The following MAP4K3 variants were observed in gnomAD, a reference collection of about 807,000 sequenced individuals.
The protein encoded by MAP4K3 is mitogen-activated protein kinase kinase kinase kinase 3.
A neutral mutation model predicts 143.5 loss-of-function variants in MAP4K3; 94 were observed. That is an observed-to-expected ratio of 0.65 (90% CI 0.55 to 0.78). The LOEUF is 0.78. Ranked by LOEUF, MAP4K3 falls within the 30% of genes least tolerant of loss-of-function variation. The pLI, the probability that MAP4K3 is intolerant of heterozygous loss-of-function variation, is 0.00. For missense variants in MAP4K3, 1,077 were observed against 1,068.1 expected (o/e 1.01, Z -0.12); for synonymous variants, 416 against 347.2 (o/e 1.20, Z -2.20).
At chr2:39,415,200 G>A (rs1458555856) in intron 1 of MAP4K3, among the ~76,000 whole-genome samples, 1 of 152,096 alleles carries the variant, frequency 6.6e-6, no homozygotes, top group Non-Finnish European at 1.5e-5. Flanking sequence ...AAATGAATGG[G>A]CTTCATTTTA....
chr2:39,425,705 T>G (rs1376797976), intron 1 of MAP4K3, among the ~76,000 whole-genome samples: 1 of 152,216 alleles, frequency 6.6e-6, no homozygotes, highest in Non-Finnish European at 1.5e-5. Flanking sequence ...CTGTGGTATG[T>G]TGTTACGGCA....
At chr2:39,414,736 G>A (rs543477890) in intron 1 of MAP4K3, among the ~76,000 whole-genome samples, 20 of 152,232 alleles carry the variant, frequency 1.3e-4, no homozygotes, top group Non-Finnish European at 2.2e-4. Flanking sequence ...TTAGCTGGGC[G>A]TGGTGGCACA....
intron 12 of MAP4K3, among the ~76,000 whole-genome samples, chr2:39,324,503 T>C (rs1014174353): frequency 2.6e-5 from 4 of 152,298 alleles, no homozygotes; most frequent in Non-Finnish European, 2.9e-5. Context: ...TCCAAACTCT[T>C]TTCCAGACCC....
intron 12 of MAP4K3, among the ~76,000 whole-genome samples, chr2:39,320,276 A>G (rs1683258464): frequency 6.6e-6 from 1 of 152,230 alleles, no homozygotes; most frequent in African/African-American, 2.4e-5. Flanking sequence ...AATTTAAAAA[A>G]TCTGCGTCAA....
chr2:39,370,579 A>C (rs1377218523), intron 2 of MAP4K3, among the ~76,000 whole-genome samples: 1 of 152,220 alleles, frequency 6.6e-6, no homozygotes, highest in Non-Finnish European at 1.5e-5. Context: ...TAGTGGAATA[A>C]GGTCTTATTG....
intron 28 of MAP4K3, among the ~76,000 whole-genome samples, chr2:39,262,354 T>C (rs1680605265): frequency 6.6e-6 from 1 of 152,186 alleles, no homozygotes; most frequent in African/African-American, 2.4e-5. Context: ...GCACAGACAC[T>C]TCATCAATAT....
chr2:39,420,253 T>C (rs1667509077), intron 1 of MAP4K3, among the ~76,000 whole-genome samples: 1 of 152,256 alleles, frequency 6.6e-6, no homozygotes, highest in African/African-American at 2.4e-5. Context: ...TTATTTCAAC[T>C]GGGAAATATT....
In MAP4K3 at chr2:39,412,253, G is replaced by C. The variant is rs572770522; in HGVS notation, c.96+24639C>G. On this transcript the variant is annotated intron_variant, in intron 1 of 33. Transcript: ENST00000263881. ...AGACCACCAAATTGGATCTACAGGAGATCGCGCCACACCTAGCTGCAGTCA... is the reference window on the plus strand; with the variant it reads ...AGACCACCAAATTGGATCTACAGGACATCGCGCCACACCTAGCTGCAGTCA... 1.2e-4 allele frequency among the ~76,000 whole-genome samples: 19 copies of C among 152,322 alleles called. No individual in the cohort carries two copies. The East Asian group carries it at 3.5e-3, about 28-fold the overall frequency.
chr2:39,352,270 G>A (rs952285873), intron 3 of MAP4K3, among the ~76,000 whole-genome samples: 1 of 152,080 alleles, frequency 6.6e-6, no homozygotes, highest in Non-Finnish European at 1.5e-5. Flanking sequence ...CAGCCTGGGC[G>A]ACAGAGCCAG....
intron 26 of MAP4K3, among the ~76,000 whole-genome samples, chr2:39,270,254 G>A (rs1248819330): frequency 6.6e-6 from 1 of 152,132 alleles, no homozygotes; most frequent in East Asian, 1.9e-4. Context: ...TAAGAGTTGT[G>A]GGCAGTACAC....
rs528965023 is a variant in MAP4K3, at chr2:39,354,586, C to G, written c.245+1663G>C. 1.9e-4 allele frequency among the ~76,000 whole-genome samples: 29 copies of G among 152,150 alleles called. No homozygotes were observed. The South Asian group carries it at 4.8e-3, about 25-fold the overall frequency. On this transcript the variant is annotated intron_variant, in intron 3 of 33. Transcript: ENST00000263881. ...TGAGCCGATATCACGCCACTGCACT[C>G]CAGTCCGGGAGGTTGCACTGAGCTG...
At chr2:39,354,574 C>T (rs926554808) in intron 3 of MAP4K3, among the ~76,000 whole-genome samples, 4 of 151,774 alleles carry the variant, frequency 2.6e-5, no homozygotes, top group Non-Finnish European at 5.9e-5. Context: ...GCCGATATCA[C>T]GCCACTGCAC....
intron 12 of MAP4K3, among the ~76,000 whole-genome samples, chr2:39,324,266 G>T (rs1683414026): frequency 6.6e-6 from 1 of 152,022 alleles, no homozygotes; most frequent in African/African-American, 2.4e-5. Flanking sequence ...AATTAGCTGG[G>T]CATGGTGGTG....
intron 1 of MAP4K3, among the ~76,000 whole-genome samples, chr2:39,386,962 T>C (rs1349850251): frequency 6.6e-6 from 1 of 151,972 alleles, no homozygotes; most frequent in Non-Finnish European, 1.5e-5. Context: ...ACTGCAGGTG[T>C]GCCACCACGC....
chr2:39,349,788 A>C lies in MAP4K3; in HGVS notation c.246-6336T>G, dbSNP rs145775890. Among the ~76,000 whole-genome samples the C allele has an allele frequency of 1.3e-4, 20 of 152,218 alleles. No individual in the cohort carries two copies. In the East Asian group the frequency reaches 3.9e-3, roughly 29 times the overall value. ...AGATGGAGGAGAAAGAAAAAGAAGA[A>C]ATAAAACTTCTAATTCTGTTTAATT... On this transcript the variant is annotated intron_variant, in intron 3 of 33. Coordinates refer to ENST00000263881, the MANE Select transcript of MAP4K3 (RefSeq NM_003618.4).
chr2:39,333,341 T>G (rs577840574), intron 7 of MAP4K3, among the ~76,000 whole-genome samples, 191 bp downstream of exon 7: 1 of 152,222 alleles, frequency 6.6e-6, no homozygotes, highest in Non-Finnish European at 1.5e-5. Flanking sequence ...ATGTCTTATG[T>G]GAAGGACAGA....
At chr2:39,274,394 G>C (rs1177821077) in intron 24 of MAP4K3, among the ~76,000 whole-genome samples, 1 of 150,928 alleles carries the variant, frequency 6.6e-6, no homozygotes, top group African/African-American at 2.4e-5. Flanking sequence ...TTTTTTTTTT[G>C]TATTTTTAGT....
intron 31 of MAP4K3, among the ~76,000 whole-genome samples, chr2:39,255,991 TTA>T (rs1219965587): frequency 6.6e-6 from 1 of 152,210 alleles, no homozygotes; most frequent in Non-Finnish European, 1.5e-5. Flanking sequence ...GCTGAATCTT[TTA>T]TGTCTTAAAA....
intron 1 of MAP4K3, among the ~76,000 whole-genome samples, chr2:39,394,606 G>A (rs912800178): frequency 2.6e-5 from 4 of 152,026 alleles, no homozygotes; most frequent in East Asian, 1.9e-4. Context: ...CCACAGAGAC[G>A]GACCTGAGCT....
Sources: gnomAD v4.1 joint callset for allele counts (sites outside exome capture counted in the v4.1 genomes callset) on GRCh38, gnomAD v4.1.1 for gene constraint, MANE v1.5 for transcripts, NCBI Gene and HGNC (gene_info 2026-07-23, HGNC 2026-07-21) for gene names.